UBLCP1: variants seen among roughly 807,000 people sequenced by gnomAD.
The protein encoded by UBLCP1 is ubiquitin like domain containing CTD phosphatase 1, also known as ubiquitin-like domain-containing CTD phosphatase 1.
A neutral mutation model predicts 42.4 loss-of-function variants in UBLCP1; 28 were observed. The observed-to-expected ratio is 0.66, with a 90% confidence interval of 0.49 to 0.90. UBLCP1 has a LOEUF of 0.90. Among genes scored for constraint, UBLCP1 ranks in the 40% least tolerant of loss-of-function variants. UBLCP1 has a pLI of 0.00. For missense variants in UBLCP1, 279 were observed against 374.5 expected (o/e 0.75, Z 2.10); for synonymous variants, 122 against 120.8 (o/e 1.01, Z -0.07).
rs376462469 is a variant in UBLCP1 at position 159,270,415 on chromosome 5, T to C, written c.302T>C (p.Ile101Thr). 7.4e-6 allele frequency: 12 copies of C among 1,613,442 alleles called. No homozygotes were observed. The African/African-American group carries it at 8.0e-5, about 11-fold the overall frequency. The change falls in exon 4 of 11, where the codon ATT becomes ACT. Residue 101 changes from isoleucine (I) to threonine (T), a missense_variant. Ile to Thr is a moderately conservative substitution (Grantham distance 89). Transcript: ENST00000296786. ...GATGATGTTGTTAATGACTTTGATATTGAAGATGAAGTAGTTGAAGTAGAA... is the reference window on the plus strand; with the variant it reads ...GATGATGTTGTTAATGACTTTGATACTGAAGATGAAGTAGTTGAAGTAGAA... ...DNDDVVNDFD[I>T]EDEVVEVENR... is the part of the protein sequence containing the mutation.
intron 8 of UBLCP1, 30 bp from the exon 9 acceptor site, chr5:159,278,208 T>C (rs1468658425): frequency 6.9e-7 from 1 of 1,457,886 alleles, no homozygotes; most frequent in African/African-American, 1.4e-5. Context: ...ATTGATAAAA[T>C]TTGAGTTAAA....
At chr5:159,264,862 A>T (rs1753365996) in intron 1 of UBLCP1, among the ~76,000 whole-genome samples, 1 of 152,230 alleles carries the variant, frequency 6.6e-6, no homozygotes, top group Admixed American at 6.5e-5. Flanking sequence ...TGGAACTCAG[A>T]TGATTTCACT....
Position 159,284,947 on chromosome 5 carries a change from G to A in UBLCP1, c.*16G>A. ...AGGACAGTAGTTACAAGTTATACTG[G>A]CAGTTATTGAAGATACTTAAGATCC... On this transcript the variant is annotated 3_prime_UTR_variant, in exon 11 of 11. Coordinates refer to ENST00000296786, the MANE Select transcript of UBLCP1 (RefSeq NM_145049.5). The A allele has an allele frequency of 1.2e-6, 2 of 1,611,320 alleles. No individual in the cohort carries two copies. The highest frequency in any genetic ancestry group is 2.2e-5 in the East Asian group (1 of 44,778).
chr5:159,267,081 C>T (rs1426806766), intron 1 of UBLCP1, among the ~76,000 whole-genome samples: 1 of 152,178 alleles, frequency 6.6e-6, no homozygotes, highest in Non-Finnish European at 1.5e-5. Flanking sequence ...ACCCTCCAGG[C>T]CCCAGAATGG....
At chr5:159,268,015 G>A (rs879316452) in intron 1 of UBLCP1, among the ~76,000 whole-genome samples, 1 of 151,468 alleles carries the variant, frequency 6.6e-6, no homozygotes. Flanking sequence ...TTGTGGAGGA[G>A]AAGAAACATA....
chr5:159,263,693 C>T (rs1424938751), intron 1 of UBLCP1, among the ~76,000 whole-genome samples: 1 of 152,190 alleles, frequency 6.6e-6, no homozygotes, highest in Non-Finnish European at 1.5e-5. Flanking sequence ...CTGGAGCCTC[C>T]ACCTGCCTCC....
In UBLCP1 at chr5:159,269,064, T is replaced by G. The variant is rs2113311314; in HGVS notation, c.149T>G (p.Val50Gly). Residue 50 changes from valine (V) to glycine (G), a missense_variant, in exon 2 of 11, where the codon GTT becomes GGT. Val to Gly is a moderately radical substitution (Grantham distance 109). Coordinates refer to ENST00000296786, the MANE Select transcript of UBLCP1 (RefSeq NM_145049.5). ...CGCCAAAAGTTACTTGGACTCAAAG[T>G]TAAAGGTAATTCTCTCCCCTCTTCA... is the stretch of plus-strand genomic sequence containing the variant. ...PERQKLLGLK[V>G]KGKPAENDVK... The G allele has an allele frequency of 6.4e-7, 1 of 1,574,660 alleles. No homozygotes were observed. The highest frequency in any genetic ancestry group is 8.6e-7 in the Non-Finnish European group (1 of 1,165,526).
intron 1 of UBLCP1, 99 bp from the exon 2 acceptor site, chr5:159,268,771 G>A (rs1319028993): frequency 1.2e-6 from 1 of 847,942 alleles, no homozygotes; most frequent in Non-Finnish European, 1.7e-6. Flanking sequence ...TCTATCATAA[G>A]TTGTAAAATA....
intron 5 of UBLCP1, among the ~76,000 whole-genome samples, chr5:159,271,447 AC>A (rs1753466509): frequency 6.6e-6 from 1 of 152,054 alleles, no homozygotes. Context: ...ACAGAGTAAG[AC>A]CCTGTCTCAA....
chr5:159,270,686 C>A (rs1584738321), intron 5 of UBLCP1, 43 bp downstream of exon 5: 2 of 1,228,478 alleles, frequency 1.6e-6, no homozygotes, highest in Non-Finnish European at 2.2e-6. Flanking sequence ...TTACCCACAA[C>A]AACTCTTTTT....
At chr5:159,264,368 A>T (rs1175506455) in intron 1 of UBLCP1, among the ~76,000 whole-genome samples, 1 of 152,260 alleles carries the variant, frequency 6.6e-6, no homozygotes, top group South Asian at 2.1e-4. Flanking sequence ...AGAAGGTTAA[A>T]TGTGAAAGCA....
intron 2 of UBLCP1, 99 bp from the exon 3 acceptor site, chr5:159,269,809 A>G: frequency 1.1e-6 from 1 of 932,816 alleles, no homozygotes; most frequent in Non-Finnish European, 1.6e-6. Flanking sequence ...TTGCTGTGAC[A>G]TCTGTACCAA....
At chr5:159,282,888 T>C (rs1753624467) in intron 9 of UBLCP1, among the ~76,000 whole-genome samples, 1 of 152,054 alleles carries the variant, frequency 6.6e-6, no homozygotes, top group South Asian at 2.1e-4. Context: ...TGAAATTAAT[T>C]AGAAGCAACT....
At chr5:159,272,433 A>G (rs1753479914) in intron 6 of UBLCP1, among the ~76,000 whole-genome samples, 1 of 150,724 alleles carries the variant, frequency 6.6e-6, no homozygotes, top group African/African-American at 2.4e-5. Flanking sequence ...TTAACTAGGC[A>G]CATATCTTTA....
intron 9 of UBLCP1, among the ~76,000 whole-genome samples, chr5:159,280,200 T>C (rs1451322551): frequency 1.3e-5 from 2 of 152,220 alleles, no homozygotes; most frequent in South Asian, 2.1e-4. Flanking sequence ...AAAACCTCTT[T>C]TTTATAAAAT....
At chr5:159,263,779 G>C (rs1044434617) in intron 1 of UBLCP1, among the ~76,000 whole-genome samples, 4 of 152,218 alleles carry the variant, frequency 2.6e-5, no homozygotes, top group Admixed American at 2.6e-4. Context: ...TGCGGTTCTC[G>C]CCGGAGTTCT....
At chr5:159,275,401 AGATTTT>A in intron 8 of UBLCP1, 155 bp downstream of exon 8, 1 of 376,040 alleles carries the variant, frequency 2.7e-6, no homozygotes, top group Non-Finnish European at 4.7e-6. Context: ...TAAGGTTAAA[AGATTTT>A]TTTTTTTTTT....
intron 8 of UBLCP1, among the ~76,000 whole-genome samples, chr5:159,276,405 T>G (rs535907324): frequency 3.7e-4 from 56 of 152,322 alleles, no homozygotes; most frequent in African/African-American, 1.3e-3. Flanking sequence ...TAGAATGATT[T>G]AAGGGCATGG....
chr5:159,269,861 C>T (rs1409848508), intron 2 of UBLCP1, 47 bp from the exon 3 acceptor site: 1 of 1,449,842 alleles, frequency 6.9e-7, no homozygotes, highest in South Asian at 1.2e-5. Flanking sequence ...ATAGTGAAAC[C>T]AGCACCTGAA....
Sources: allele counts gnomAD v4.1 joint callset (sites outside exome capture counted in the v4.1 genomes callset), GRCh38; gene constraint gnomAD v4.1.1; transcripts MANE v1.5; gene names NCBI Gene and HGNC (gene_info 2026-07-23, HGNC 2026-07-21).